The following PRORP variants were observed in gnomAD, a reference collection of about 807,000 sequenced individuals.
PRORP encodes the protein mitochondrial ribonuclease P catalytic subunit.
In PRORP, 51 loss-of-function variants were observed where a neutral mutation model predicts 59.4. That is an observed-to-expected ratio of 0.86 (90% CI 0.69 to 1.08). The LOEUF is 1.08. Ranked by LOEUF, PRORP falls within the 50% of genes least tolerant of loss-of-function variation. The probability of loss-of-function intolerance (pLI) is 0.00; values close to 1 mark genes in which losing one functional copy is unlikely to be tolerated. For synonymous variants in PRORP, 231 were observed against 245.6 expected, an observed-to-expected ratio of 0.94 and a Z score of 0.55; for missense variants, 646 against 690.3, an observed-to-expected ratio of 0.94 and a Z score of 0.72.
At chr14:35,132,640 A>G (rs1165596599) in intron 4 of PRORP, among the ~76,000 whole-genome samples, 8 of 151,956 alleles carry the variant, frequency 5.3e-5, no homozygotes, top group Non-Finnish European at 1.2e-4. Context: ...AAAAAAAATT[A>G]GCTGGAAATG....
chr14:35,128,032 A>G (rs1298241020), intron 4 of PRORP, among the ~76,000 whole-genome samples: 1 of 152,242 alleles, frequency 6.6e-6, no homozygotes, highest in African/African-American at 2.4e-5. Context: ...GACTGCCATG[A>G]AAACATTGTA....
intron 5 of PRORP, among the ~76,000 whole-genome samples, chr14:35,226,768 T>C (rs2049945853): frequency 6.6e-6 from 1 of 152,158 alleles, no homozygotes; most frequent in African/African-American, 2.4e-5. Context: ...ACGATCTCTC[T>C]GTATCATCCA....
intron 5 of PRORP, among the ~76,000 whole-genome samples, chr14:35,196,699 A>G (rs977872458): frequency 3.3e-5 from 5 of 152,174 alleles, no homozygotes; most frequent in Non-Finnish European, 5.9e-5. Context: ...TTTTCATGAC[A>G]TGGCAACTCA....
chr14:35,257,294 T>C (rs1425462448), intron 5 of PRORP, among the ~76,000 whole-genome samples: 4 of 152,226 alleles, frequency 2.6e-5, no homozygotes, highest in Non-Finnish European at 5.9e-5. Context: ...GTTGCCACCA[T>C]TCATCTCCAG....
At chr14:35,264,323 A>G (rs1270734621) in intron 5 of PRORP, among the ~76,000 whole-genome samples, 1 of 151,784 alleles carries the variant, frequency 6.6e-6, no homozygotes, top group Non-Finnish European at 1.5e-5. Context: ...AGATGGGGCC[A>G]TGTTGGCTAG....
intron 5 of PRORP, among the ~76,000 whole-genome samples, chr14:35,242,383 G>A (rs1179993017): frequency 2.6e-5 from 4 of 151,942 alleles, no homozygotes; most frequent in Non-Finnish European, 5.9e-5. Flanking sequence ...TGGTCTTTGG[G>A]GTTACTGTAT....
At chr14:35,193,889 C>T (rs534587298) in intron 5 of PRORP, among the ~76,000 whole-genome samples, 1 of 152,210 alleles carries the variant, frequency 6.6e-6, no homozygotes, top group Middle Eastern at 3.4e-3. Context: ...ATGTCTTGTC[C>T]CTTATGTCCC....
chr14:35,241,319 A>G (rs113076668), intron 5 of PRORP, among the ~76,000 whole-genome samples: 12,382 of 152,030 alleles, frequency 0.081, 846 homozygotes, highest in Admixed American at 0.16. Context: ...CAGAGGTTGC[A>G]GTGAGCTGAG....
chr14:35,226,936 T>C (rs986621262), intron 5 of PRORP, among the ~76,000 whole-genome samples: 4 of 151,466 alleles, frequency 2.6e-5, no homozygotes, highest in Non-Finnish European at 5.9e-5. Context: ...GGTTTCACCA[T>C]GTTCCCCATG....
At chr14:35,208,832 A>C (rs565046503) in intron 5 of PRORP, among the ~76,000 whole-genome samples, 1 of 152,312 alleles carries the variant, frequency 6.6e-6, no homozygotes, top group East Asian at 1.9e-4. Context: ...ATGGTGAATG[A>C]AACCTTGTCT....
At chr14:35,156,904 G>A (rs1157841330) in intron 4 of PRORP, among the ~76,000 whole-genome samples, 2 of 150,238 alleles carry the variant, frequency 1.3e-5, no homozygotes, top group Non-Finnish European at 3.0e-5. Flanking sequence ...TTTTGTAGTC[G>A]TTGTCAATAT....
chr14:35,177,449 A>G (rs928568515), intron 4 of PRORP, among the ~76,000 whole-genome samples: 1 of 152,076 alleles, frequency 6.6e-6, no homozygotes, highest in Non-Finnish European at 1.5e-5. Flanking sequence ...CAGAGATTCA[A>G]CTTCTTCCTG....
chr14:35,235,155 A>C, intron 5 of PRORP: 1 of 594,168 alleles, frequency 1.7e-6, no homozygotes, highest in East Asian at 3.7e-5. Flanking sequence ...TTATGTACAG[A>C]AAACTCAACA....
intron 2 of PRORP, among the ~76,000 whole-genome samples, chr14:35,124,850 T>A (rs1286319751): frequency 6.6e-6 from 1 of 151,128 alleles, no homozygotes; most frequent in Non-Finnish European, 1.5e-5. Flanking sequence ...TATGCTTATA[T>A]TTATTCTGTC....
In PRORP at chr14:35,237,697, T is replaced by G. The variant is rs1036241693; in HGVS notation, c.1276-29030T>G. On this transcript the variant is annotated intron_variant, in intron 5 of 7. Transcript: ENST00000534898. ...TATTTGAGACAGCGTCTTGCTCTGTTGCCCAGACTGGAGTACAGTGGTGCT... is the reference window on the plus strand; with the variant it reads ...TATTTGAGACAGCGTCTTGCTCTGTGGCCCAGACTGGAGTACAGTGGTGCT... Among the ~76,000 whole-genome samples the G allele has an allele frequency of 3.9e-5, 6 of 152,334 alleles. No homozygotes were observed. The East Asian group carries it at 1.2e-3, about 29-fold the overall frequency.
At chr14:35,245,499 G>T (rs1387529090) in intron 5 of PRORP, among the ~76,000 whole-genome samples, 1 of 152,126 alleles carries the variant, frequency 6.6e-6, no homozygotes, top group East Asian at 1.9e-4. Context: ...CAAAAAATTA[G>T]CTAGGTGTTG....
intron 4 of PRORP, among the ~76,000 whole-genome samples, chr14:35,170,076 C>T (rs2048277592): frequency 6.6e-6 from 1 of 152,090 alleles, no homozygotes; most frequent in Non-Finnish European, 1.5e-5. Context: ...TTGTAGTATT[C>T]CTTTTCTTCA....
At chr14:35,224,965 TTAATC>T (rs2049896179) in intron 5 of PRORP, among the ~76,000 whole-genome samples, 1 of 152,196 alleles carries the variant, frequency 6.6e-6, no homozygotes, top group Non-Finnish European at 1.5e-5. Context: ...ATGATGTCCT[TTAATC>T]TAATCTCTTT....
intron 6 of PRORP, among the ~76,000 whole-genome samples, chr14:35,268,252 G>A (rs2051095701): frequency 1.3e-5 from 2 of 148,796 alleles, no homozygotes; most frequent in African/African-American, 5.0e-5. Context: ...GGCTGAGGCA[G>A]CAGAATCACT....
Sources: allele counts gnomAD v4.1 joint callset (sites outside exome capture counted in the v4.1 genomes callset), GRCh38; gene constraint gnomAD v4.1.1; transcripts MANE v1.5; gene names NCBI Gene and HGNC (gene_info 2026-07-23, HGNC 2026-07-21).